The following CCSER1 variants were observed in gnomAD, a reference collection of about 807,000 sequenced individuals.
CCSER1 encodes coiled-coil serine rich protein 1.
A neutral mutation model predicts 82.0 loss-of-function variants in CCSER1; 41 were observed. That is an observed-to-expected ratio of 0.50 (90% CI 0.39 to 0.65). The LOEUF (loss-of-function observed/expected upper bound fraction) is 0.65. Ranked by LOEUF, CCSER1 falls within the 30% of genes least tolerant of loss-of-function variation. The pLI, the probability that CCSER1 is intolerant of heterozygous loss-of-function variation, is 0.00. For synonymous variants in CCSER1, 414 were observed against 383.9 expected, an observed-to-expected ratio of 1.08 and a Z score of -0.92; for missense variants, 1,119 against 1,064.2, an observed-to-expected ratio of 1.05 and a Z score of -0.72.
chr4:90,610,499 A>T (rs183251830), intron 5 of CCSER1, among the ~76,000 whole-genome samples: 1 of 152,124 alleles, frequency 6.6e-6, no homozygotes, highest in East Asian at 1.9e-4. Context: ...ATAGATACAT[A>T]TGATATAAAT....
At chr4:91,444,057 G>C (rs1398580225) in intron 10 of CCSER1, among the ~76,000 whole-genome samples, 1 of 151,978 alleles carries the variant, frequency 6.6e-6, no homozygotes, top group Admixed American at 6.6e-5. Context: ...ACTTTTATTA[G>C]GTTTTTTCAA....
rs541107667 is a variant in CCSER1, at chr4:91,210,270, A to G, written c.2217+124276A>G. On this transcript the variant is annotated intron_variant, in intron 10 of 10. Coordinates refer to ENST00000509176, the MANE Select transcript of CCSER1 (RefSeq NM_001145065.2). ...CTGTTATTATATTATATATAACATT[A>G]TTTATATATATAACATTATAACCCA... 8.6e-4 allele frequency among the ~76,000 whole-genome samples: 129 copies of G among 150,586 alleles called. 2 individuals are homozygous for G. The highest frequency in any genetic ancestry group is 2.9e-3 in the African/African-American group (121 of 41,236).
chr4:91,205,389 T>C (rs1368745714), intron 10 of CCSER1, among the ~76,000 whole-genome samples: 1 of 151,846 alleles, frequency 6.6e-6, no homozygotes, highest in Non-Finnish European at 1.5e-5. Flanking sequence ...GAAATACTTA[T>C]AAATATTATC....
intron 8 of CCSER1, among the ~76,000 whole-genome samples, chr4:90,841,067 CTA>C (rs2149873400): frequency 6.6e-6 from 1 of 152,176 alleles, no homozygotes; most frequent in South Asian, 2.1e-4. Context: ...GAGTCAGCAG[CTA>C]GAGTAAGTTG....
intron 10 of CCSER1, among the ~76,000 whole-genome samples, chr4:91,248,537 A>C (rs28371139): frequency 2.6e-5 from 4 of 152,116 alleles, no homozygotes. Context: ...TCTTATAAAA[A>C]CATCATATAA....
intron 10 of CCSER1, among the ~76,000 whole-genome samples, chr4:91,440,466 A>C (rs1206353522): frequency 6.6e-6 from 1 of 152,240 alleles, no homozygotes; most frequent in Non-Finnish European, 1.5e-5. Context: ...ACACGTTCAA[A>C]GCAGTGTGTA....
At chr4:90,731,356 A>G (rs2149403592) in intron 7 of CCSER1, among the ~76,000 whole-genome samples, 1 of 152,320 alleles carries the variant, frequency 6.6e-6, no homozygotes, top group Non-Finnish European at 1.5e-5. Context: ...AGTAATTGTG[A>G]AATGGCAGAC....
chr4:91,133,064 TAA>T, intron 10 of CCSER1, among the ~76,000 whole-genome samples: 2 of 152,336 alleles, frequency 1.3e-5, no homozygotes, highest in East Asian at 1.9e-4. Context: ...GCTTAGTATT[TAA>T]AAGACTGAAG....
intron 5 of CCSER1, among the ~76,000 whole-genome samples, chr4:90,492,154 T>G (rs1380589032): frequency 6.6e-6 from 1 of 152,144 alleles, no homozygotes; most frequent in Non-Finnish European, 1.5e-5. Context: ...TCCTGGACTT[T>G]TTTTGGTTGG....
chr4:91,042,649 C>T (rs1364474121), intron 9 of CCSER1, among the ~76,000 whole-genome samples: 1 of 151,992 alleles, frequency 6.6e-6, no homozygotes, highest in African/African-American at 2.4e-5. Flanking sequence ...AGTAAATGTT[C>T]CCATTTTCTA....
chr4:90,283,344 A>T (rs1266905836), intron 1 of CCSER1, among the ~76,000 whole-genome samples: 1 of 151,864 alleles, frequency 6.6e-6, no homozygotes, highest in Non-Finnish European at 1.5e-5. Context: ...TATTTTTATT[A>T]TACATGTTTT....
intron 10 of CCSER1, among the ~76,000 whole-genome samples, chr4:91,260,454 A>AG (rs1448013372): frequency 6.6e-6 from 1 of 152,198 alleles, no homozygotes; most frequent in Non-Finnish European, 1.5e-5. Flanking sequence ...CTAGCCTGTA[A>AG]GGGGAGAAAT....
rs895746388 is a variant in CCSER1 at position 91,155,570 on chromosome 4, G to A, written c.2217+69576G>A. ...AATTTGGGAGTCATGAACAAGTAGAGAGGGTCAACTTTCCATATCATTTTC... is the reference window on the plus strand; with the variant it reads ...AATTTGGGAGTCATGAACAAGTAGAAAGGGTCAACTTTCCATATCATTTTC... On this transcript the variant is annotated intron_variant, in intron 10 of 10. Coordinates refer to ENST00000509176, the MANE Select transcript of CCSER1 (RefSeq NM_001145065.2). Among the ~76,000 whole-genome samples, 14 of 151,964 alleles carry A rather than the reference G, an allele frequency of 9.2e-5. 1 individual carries two copies. The highest frequency in any genetic ancestry group is 1.9e-4 in the Non-Finnish European group (13 of 67,914).
chr4:90,222,880 A>C (rs181192009), intron 1 of CCSER1, among the ~76,000 whole-genome samples: 9 of 152,278 alleles, frequency 5.9e-5, no homozygotes, highest in Admixed American at 2.0e-4. Context: ...ATATCTTGCA[A>C]AATTATAGTA....
In CCSER1 at chr4:90,217,494, A is replaced by G. The variant is rs916123578; in HGVS notation, c.-42+89663A>G. Among the ~76,000 whole-genome samples, 10 of 152,286 alleles carry G rather than the reference A, an allele frequency of 6.6e-5. 1 individual carries two copies. Among genetic ancestry groups the G allele is most frequent in the African/African-American group, 2.2e-4 (9 of 41,578 alleles). ...ATTATAGGCATGAGCCACCATGCCC[A>G]GCCCTCTTTAGGGCTTTCTAGGTAT... On this transcript the variant is annotated intron_variant, in intron 1 of 10. Transcript: ENST00000509176.
chr4:90,240,919 T>C (rs1021900617), intron 1 of CCSER1, among the ~76,000 whole-genome samples: 2 of 152,184 alleles, frequency 1.3e-5, no homozygotes, highest in Non-Finnish European at 2.9e-5. Context: ...TGTCTACATA[T>C]ACCACTGTAA....
intron 10 of CCSER1, among the ~76,000 whole-genome samples, chr4:91,335,099 GAT>G: frequency 6.6e-6 from 1 of 151,962 alleles, no homozygotes; most frequent in Non-Finnish European, 1.5e-5. Flanking sequence ...TCTGAGTGGG[GAT>G]TTTTCAGCCT....
At chr4:91,347,422 A>G (rs919590009) in intron 10 of CCSER1, among the ~76,000 whole-genome samples, 1 of 152,042 alleles carries the variant, frequency 6.6e-6, no homozygotes, top group Non-Finnish European at 1.5e-5. Flanking sequence ...TTACTTCTTC[A>G]ATATTGTGTT....
intron 9 of CCSER1, among the ~76,000 whole-genome samples, chr4:91,033,936 T>A (rs1247750520): frequency 6.6e-6 from 1 of 152,188 alleles, no homozygotes; most frequent in African/African-American, 2.4e-5. Flanking sequence ...AAGTCCCTGG[T>A]GATGTTATTG....
Sources: gnomAD v4.1 joint callset for allele counts (sites outside exome capture counted in the v4.1 genomes callset) on GRCh38, gnomAD v4.1.1 for gene constraint, MANE v1.5 for transcripts, NCBI Gene and HGNC (gene_info 2026-07-23, HGNC 2026-07-21) for gene names.